The following ANAPC4 variants were observed in gnomAD, a reference collection of about 807,000 sequenced individuals.
The protein encoded by ANAPC4 is anaphase-promoting complex subunit 4.
ANAPC4 carries 63 observed loss-of-function variants against 119.8 expected under a neutral mutation model. That is an observed-to-expected ratio of 0.53 (90% CI 0.43 to 0.65). ANAPC4 has a LOEUF of 0.65. Among genes scored for constraint, ANAPC4 ranks in the 30% least tolerant of loss-of-function variants. The pLI, the probability that ANAPC4 is intolerant of heterozygous loss-of-function variation, is 0.00. For missense variants in ANAPC4, 716 were observed against 945.1 expected, an observed-to-expected ratio of 0.76 and a Z score of 3.18; for synonymous variants, 283 against 318.6, an observed-to-expected ratio of 0.89 and a Z score of 1.19.
intron 3 of ANAPC4, 44 bp from the exon 4 acceptor site, chr4:25,383,217 C>G: frequency 1.3e-6 from 2 of 1,505,956 alleles, no homozygotes; most frequent in African/African-American, 2.8e-5. Flanking sequence ...TTATTTTTCT[C>G]AATTGTTACA....
chr4:25,406,779 G>T, intron 18 of ANAPC4, 50 bp from the exon 19 acceptor site: 1 of 1,342,378 alleles, frequency 7.4e-7, no homozygotes, highest in South Asian at 1.3e-5. Flanking sequence ...TTCTTTTATT[G>T]AGCAGCTTTC....
intron 17 of ANAPC4, 148 bp downstream of exon 17, chr4:25,403,174 C>T (rs1013570310): frequency 2.1e-6 from 1 of 481,528 alleles, no homozygotes; most frequent in African/African-American, 2.0e-5. Flanking sequence ...CACCTAGCTT[C>T]AGCAGTTATC....
chr4:25,398,264 A>G (rs946332635), intron 16 of ANAPC4, among the ~76,000 whole-genome samples: 9 of 152,206 alleles, frequency 5.9e-5, no homozygotes, highest in South Asian at 2.1e-4. Flanking sequence ...TTTTAAATAC[A>G]GTGATAAGTA....
chr4:25,377,648 C>G, intron 2 of ANAPC4, 92 bp downstream of exon 2: 1 of 1,489,796 alleles, frequency 6.7e-7, no homozygotes, highest in South Asian at 1.3e-5. Flanking sequence ...GGGCCACAGG[C>G]GGCCGGAGCC....
chr4:25,394,755 A>T (rs1327778044), intron 13 of ANAPC4, 42 bp downstream of exon 13: 2 of 1,597,814 alleles, frequency 1.3e-6, no homozygotes, highest in South Asian at 2.3e-5. Context: ...CTATGAACAC[A>T]TTCTTAATTT....
chr4:25,396,603 A>T, intron 14 of ANAPC4, 61 bp from the exon 15 acceptor site: 1 of 1,174,486 alleles, frequency 8.5e-7, no homozygotes, highest in Non-Finnish European at 1.2e-6. Flanking sequence ...AGAAATATTC[A>T]GGCAAGTTAG....
chr4:25,379,736 A>C (rs930555205), intron 2 of ANAPC4, among the ~76,000 whole-genome samples: 1 of 152,118 alleles, frequency 6.6e-6, no homozygotes, highest in Non-Finnish European at 1.5e-5. Context: ...ACCAGGAGTG[A>C]AGGGTGCTGT....
chr4:25,406,858 T>A lies in ANAPC4; in HGVS notation c.1347T>A (p.Ala449=). The A allele has an allele frequency of 6.2e-7, 1 of 1,604,186 alleles. No individual in the cohort carries two copies. Among genetic ancestry groups the A allele is most frequent in the Non-Finnish European group, 8.5e-7 (1 of 1,176,362 alleles). The change falls in exon 19 of 29, where the codon GCT becomes GCA. Residue 449 remains alanine (A), a synonymous_variant. Coordinates refer to ENST00000315368, the MANE Select transcript of ANAPC4 (RefSeq NM_013367.3). ...KMTQKDITFV[A]EFLTEHFNEA... ...CTCAGAAAGATATCACATTTGTTGC[T>A]GAATTTCTTACTGAACATTTCAATG...
chr4:25,386,156 G>T (rs115123680), intron 4 of ANAPC4, among the ~76,000 whole-genome samples: 1 of 151,988 alleles, frequency 6.6e-6, no homozygotes, highest in Non-Finnish European at 1.5e-5. Flanking sequence ...CAGGTAACCC[G>T]CCCGCTTCGG....
intron 26 of ANAPC4, 118 bp downstream of exon 26, chr4:25,415,658 C>A: frequency 1.4e-6 from 1 of 733,602 alleles, no homozygotes; most frequent in South Asian, 2.0e-5. Flanking sequence ...TGCCACTTCC[C>A]ACATCAAGGG....
intron 20 of ANAPC4, 28 bp downstream of exon 20, chr4:25,407,281 C>A (rs372016667): frequency 1.9e-6 from 3 of 1,547,776 alleles, no homozygotes; most frequent in Non-Finnish European, 2.6e-6. Flanking sequence ...ATTTTAAAAC[C>A]TTAGCAGTGT....
At chr4:25,392,950 A>G (rs1722434196) in intron 10 of ANAPC4, among the ~76,000 whole-genome samples, 1 of 152,186 alleles carries the variant, frequency 6.6e-6, no homozygotes, top group Non-Finnish European at 1.5e-5. Context: ...GTAACGGGGC[A>G]TCGAGGGTGC....
chr4:25,416,857 G>A, intron 27 of ANAPC4: 1 of 260,936 alleles, frequency 3.8e-6, no homozygotes, highest in Non-Finnish European at 7.2e-6. Context: ...TGGATAATGG[G>A]ACTTCTTTTA....
intron 4 of ANAPC4, among the ~76,000 whole-genome samples, chr4:25,387,865 A>G (rs921845692): frequency 2.0e-5 from 3 of 152,142 alleles, no homozygotes; most frequent in Non-Finnish European, 4.4e-5. Flanking sequence ...GGCCATGCAT[A>G]GTGGTTCATG....
At chr4:25,400,722 A>G (rs1176974301) in intron 16 of ANAPC4, among the ~76,000 whole-genome samples, 1 of 152,232 alleles carries the variant, frequency 6.6e-6, no homozygotes, top group African/African-American at 2.4e-5. Flanking sequence ...GGACCAGGTT[A>G]AAATGATGGC....
At position 25,381,809 on chromosome 4, in the gene ANAPC4, G is replaced by A. The variant is rs371250096; in HGVS notation, c.235+1330G>A. On this transcript the variant is annotated intron_variant, in intron 3 of 28. Coordinates refer to ENST00000315368, the MANE Select transcript of ANAPC4 (RefSeq NM_013367.3). ...CTAAAAATACAAAAATTAGCCAGGC[G>A]TGGTGGTGGGCACCTGTAATCCCAG... 2.2e-4 allele frequency among the ~76,000 whole-genome samples: 33 copies of A among 152,212 alleles called. No individual in the cohort carries two copies. In the East Asian group the frequency reaches 3.7e-3, roughly 17 times the overall value.
At chr4:25,416,994 G>A (rs960396760) in intron 27 of ANAPC4, 14 of 155,636 alleles carry the variant, frequency 9.0e-5, no homozygotes, top group African/African-American at 3.4e-4. Flanking sequence ...TCAATTCCAA[G>A]AGATGGCTTT....
intron 3 of ANAPC4, among the ~76,000 whole-genome samples, chr4:25,381,105 T>C (rs1721692311): frequency 6.6e-6 from 1 of 152,226 alleles, no homozygotes; most frequent in South Asian, 2.1e-4. Flanking sequence ...TAAAATGCTG[T>C]AAACCCTACA....
At chr4:25,416,357 A>T in intron 26 of ANAPC4, 68 bp from the exon 27 acceptor site, 1 of 1,101,148 alleles carries the variant, frequency 9.1e-7, no homozygotes, top group Non-Finnish European at 1.2e-6. Flanking sequence ...TGCCAGTATA[A>T]CATGCATACA....
Sources: gnomAD v4.1 joint callset for allele counts (sites outside exome capture counted in the v4.1 genomes callset) on GRCh38, gnomAD v4.1.1 for gene constraint, MANE v1.5 for transcripts, NCBI Gene and HGNC (gene_info 2026-07-23, HGNC 2026-07-21) for gene names.